Variants in MALRD1 observed in about 807,000 individuals in gnomAD.
MALRD1 encodes the protein MAM and LDL receptor class A domain containing 1, also known as MAM and LDL-receptor class A domain-containing protein 1.
Under a neutral mutation model 242.1 loss-of-function variants are expected in MALRD1, and 247 were observed. The observed-to-expected ratio is 1.02, with a 90% confidence interval of 0.92 to 1.13. The LOEUF (loss-of-function observed/expected upper bound fraction) is 1.13. MALRD1 is among the 50% of genes most tolerant of loss of function. The pLI is 0.00. For missense variants in MALRD1, 2,989 were observed against 2,533.1 expected, an observed-to-expected ratio of 1.18 and a Z score of -3.86; for synonymous variants, 995 against 866.6, an observed-to-expected ratio of 1.15 and a Z score of -2.60.
chr10:19,206,882 C>T (rs1045180484), intron 17 of MALRD1, among the ~76,000 whole-genome samples: 1 of 152,146 alleles, frequency 6.6e-6, no homozygotes, highest in African/African-American at 2.4e-5. Context: ...ACCTTCTGCC[C>T]TACAGCCAAA....
chr10:19,556,471 A>G (rs73595841), intron 32 of MALRD1, among the ~76,000 whole-genome samples: 4 of 151,892 alleles, frequency 2.6e-5, no homozygotes, highest in African/African-American at 4.8e-5. Context: ...TACTGTCTCC[A>G]TAGTTTTACC....
intron 29 of MALRD1, among the ~76,000 whole-genome samples, chr10:19,480,220 A>G (rs1836935150): frequency 6.6e-6 from 1 of 152,198 alleles, no homozygotes; most frequent in African/African-American, 2.4e-5. Flanking sequence ...TAGTGTGTGA[A>G]TTTTTAATCC....
intron 30 of MALRD1, among the ~76,000 whole-genome samples, chr10:19,496,508 A>G (rs1044414416): frequency 1.3e-5 from 2 of 152,198 alleles, no homozygotes; most frequent in African/African-American, 4.8e-5. Context: ...TTTGAAACTA[A>G]TGAGAACAGG....
In MALRD1 at chr10:19,491,343, TG is replaced by T; in HGVS notation, c.5030-173del. 2 of 783,744 alleles carry T rather than the reference TG, an allele frequency of 2.6e-6. 1 individual carries two copies. Among genetic ancestry groups the T allele is most frequent in the South Asian group, 3.2e-5 (2 of 62,406 alleles). The allele number at this position is 783,744 out of a possible 1,614,324, so 48.5% of individuals were successfully genotyped here. ...CAGAAGTAGAGTCTATATAACTTGC[TG>T]AACCATTGAAGGTGGGACTGAGAAA... On this transcript the variant is annotated intron_variant, in intron 29 of 39. Coordinates refer to ENST00000454679, the MANE Select transcript of MALRD1 (RefSeq NM_001142308.3).
At chr10:19,261,409 C>T (rs1271848386) in intron 19 of MALRD1, among the ~76,000 whole-genome samples, 3 of 145,524 alleles carry the variant, frequency 2.1e-5, no homozygotes, top group Admixed American at 6.9e-5. Flanking sequence ...AGGAATCTTA[C>T]CATAAAATGA....
chr10:19,088,343 T>C (rs1835748261), intron 4 of MALRD1, among the ~76,000 whole-genome samples, 158 bp downstream of exon 4: 1 of 152,070 alleles, frequency 6.6e-6, no homozygotes, highest in African/African-American at 2.4e-5. Flanking sequence ...CTCAGGCAAT[T>C]TGGGATGGCT....
In MALRD1 at chr10:19,579,292, T is replaced by G. The variant is rs1047643665; in HGVS notation, c.5680+11589T>G. ...TGAGTGGTCTTCTCTAATGCCCATGTCACTAAATGATTTGTCTCTCATTTG... is the reference window on the plus strand; with the variant it reads ...TGAGTGGTCTTCTCTAATGCCCATGGCACTAAATGATTTGTCTCTCATTTG... On this transcript the variant is annotated intron_variant, in intron 33 of 39. Coordinates refer to ENST00000454679, the MANE Select transcript of MALRD1 (RefSeq NM_001142308.3). Among the ~76,000 whole-genome samples, 4 of 152,196 alleles carry G rather than the reference T, an allele frequency of 2.6e-5. No individual in the cohort carries two copies. In the East Asian group the frequency reaches 7.7e-4, roughly 29 times the overall value.
chr10:19,112,574 C>A (rs1006099347), intron 5 of MALRD1, among the ~76,000 whole-genome samples: 1 of 152,076 alleles, frequency 6.6e-6, no homozygotes, highest in African/African-American at 2.4e-5. Flanking sequence ...ACGCTTGTCA[C>A]TTTATGGCTA....
intron 26 of MALRD1, among the ~76,000 whole-genome samples, chr10:19,384,014 T>G (rs1396901625): frequency 6.6e-6 from 1 of 151,736 alleles, no homozygotes; most frequent in African/African-American, 2.4e-5. Flanking sequence ...AAAAAAGACT[T>G]AAGGTCTGAA....
chr10:19,077,476 A>C (rs144348650), intron 2 of MALRD1, among the ~76,000 whole-genome samples: 124 of 152,086 alleles, frequency 8.2e-4, no homozygotes, highest in African/African-American at 3.0e-3. Flanking sequence ...AACTATTTTA[A>C]GTATTGAGAA....
chr10:19,327,579 A>C lies in MALRD1; in HGVS notation c.3593A>C (p.Asp1198Ala). The C allele has an allele frequency of 6.5e-7, 1 of 1,549,846 alleles. No homozygotes were observed. The highest frequency in any genetic ancestry group is 8.7e-7 in the Non-Finnish European group (1 of 1,146,290). ...VGSLQVLIKKDNVTSKLWAQT... is the reference protein window; with the variant it reads ...VGSLQVLIKKANVTSKLWAQT... ...TCTCTATAGGTGCTCATCAAGAAAG[A>C]TAACGTTACTTCTAAATTGTGGGCT... The change falls in exon 23 of 40, where the codon GAT becomes GCT. Residue 1198 changes from aspartate to alanine, a missense_variant. Physicochemically the swap from Asp to Ala is moderately radical, Grantham distance 126. Coordinates refer to ENST00000454679, the MANE Select transcript of MALRD1 (RefSeq NM_001142308.3).
At chr10:19,429,488 C>T (rs888453109) in intron 28 of MALRD1, among the ~76,000 whole-genome samples, 10 of 152,138 alleles carry the variant, frequency 6.6e-5, no homozygotes, top group African/African-American at 9.6e-5. Flanking sequence ...CACGTGAACC[C>T]GGGAGGTGGA....
intron 2 of MALRD1, among the ~76,000 whole-genome samples, chr10:19,087,484 A>AT (rs1418738576): frequency 2.6e-5 from 4 of 151,886 alleles, no homozygotes; most frequent in African/African-American, 9.7e-5. Context: ...GTGGGCCTGA[A>AT]TTATCACTTG....
At chr10:19,129,358 A>G (rs974865530) in intron 8 of MALRD1, among the ~76,000 whole-genome samples, 1 of 152,112 alleles carries the variant, frequency 6.6e-6, no homozygotes, top group Non-Finnish European at 1.5e-5. Flanking sequence ...GAACAACCAT[A>G]TGGAAGAGAT....
chr10:19,541,754 C>T (rs1056086636), intron 32 of MALRD1, among the ~76,000 whole-genome samples: 1 of 152,144 alleles, frequency 6.6e-6, no homozygotes, highest in Non-Finnish European at 1.5e-5. Context: ...GAATCACTGG[C>T]TCATATTAAC....
intron 29 of MALRD1, among the ~76,000 whole-genome samples, chr10:19,479,159 T>A (rs1836877090): frequency 6.6e-6 from 1 of 152,254 alleles, no homozygotes; most frequent in African/African-American, 2.4e-5. Flanking sequence ...ATGATTATAA[T>A]ACAGTTTCTT....
intron 26 of MALRD1, among the ~76,000 whole-genome samples, chr10:19,384,576 A>G (rs1845990455): frequency 8.1e-6 from 1 of 123,868 alleles, no homozygotes; most frequent in South Asian, 2.2e-4. Flanking sequence ...TATATAATAT[A>G]ATATTTACTA....
At chr10:19,569,338 TCTTTA>T (rs1428200780) in intron 33 of MALRD1, among the ~76,000 whole-genome samples, 1 of 151,996 alleles carries the variant, frequency 6.6e-6, no homozygotes, top group Admixed American at 6.6e-5. Flanking sequence ...CCTGGCATGT[TCTTTA>T]CTTTGCTGGT....
intron 29 of MALRD1, among the ~76,000 whole-genome samples, chr10:19,451,996 G>A (rs1188808044): frequency 6.6e-6 from 1 of 152,160 alleles, no homozygotes; most frequent in Non-Finnish European, 1.5e-5. Flanking sequence ...ATGTATTTGT[G>A]TAAAGGGAAT....
Sources: gnomAD v4.1 joint callset for allele counts (sites outside exome capture counted in the v4.1 genomes callset) on GRCh38, gnomAD v4.1.1 for gene constraint, MANE v1.5 for transcripts, NCBI Gene and HGNC (gene_info 2026-07-23, HGNC 2026-07-21) for gene names.